COL4A6: variants seen among roughly 807,000 people sequenced by gnomAD.
COL4A6 encodes the protein collagen alpha-6(IV) chain.
Under a neutral mutation model 126.7 loss-of-function variants are expected in COL4A6, and 59 were observed. That is an observed-to-expected ratio of 0.47 (90% CI 0.38 to 0.58). COL4A6 has a LOEUF of 0.58. Among genes scored for constraint, COL4A6 ranks in the 20% least tolerant of loss-of-function variants. The pLI is 0.00. For missense variants in COL4A6, 1,285 were observed against 1,337.3 expected (o/e 0.96, Z 0.61); for synonymous variants, 547 against 496.6 (o/e 1.10, Z -1.35).
At position 108,425,257 on chromosome X, in the gene COL4A6, CAAAG is replaced by C. The variant is rs1330703643; in HGVS notation, c.63+12681_63+12684del. On this transcript the variant is annotated intron_variant, in intron 2 of 44. Coordinates refer to ENST00000334504, the MANE Select transcript of COL4A6 (RefSeq NM_033641.4). Reference sequence around the variant, plus strand: ...ACAGAGAGGAGAGAGAGGAGAGAGACAAAGAGAGCGTGAATTATGTGTGCAGACC... The same window carrying C: ...ACAGAGAGGAGAGAGAGGAGAGAGACAGAGCGTGAATTATGTGTGCAGACC... Among the ~76,000 whole-genome samples, 6 of 106,279 alleles carry C rather than the reference CAAAG, an allele frequency of 5.6e-5. No homozygotes were observed. The Admixed American group carries it at 6.1e-4, about 11-fold the overall frequency. The allele number at this position is 106,279 out of a possible 115,157, so 92.3% of individuals were successfully genotyped here.
intron 2 of COL4A6, among the ~76,000 whole-genome samples, chrX:108,343,328 G>A (rs977114122): frequency 9.3e-6 from 1 of 107,579 alleles, no homozygotes; most frequent in African/African-American, 3.4e-5. Context: ...TCAGGGGGAC[G>A]GAACTGTGGC....
chrX:108,241,136 G>T (rs895984874), intron 3 of COL4A6, among the ~76,000 whole-genome samples: 2 of 110,455 alleles, frequency 1.8e-5, no homozygotes, highest in African/African-American at 6.6e-5. Context: ...TGTAAAATGA[G>T]ACATTATAGC....
chrX:108,381,926 T>C (rs111573250), intron 2 of COL4A6, among the ~76,000 whole-genome samples: 132 of 108,372 alleles, frequency 1.2e-3, no homozygotes, highest in African/African-American at 4.3e-3. Flanking sequence ...TCTATTTTCT[T>C]CCTATCTCTC....
chrX:108,343,157 ATATATATAGT>A (rs1254481271), intron 2 of COL4A6, among the ~76,000 whole-genome samples: 4 of 73,868 alleles, frequency 5.4e-5, no homozygotes, highest in Admixed American at 1.6e-4. Context: ...ATATATATAT[ATATATATAGT>A]GTGTGTGTGT....
chrX:108,197,656 T>C (rs1191155515), intron 13 of COL4A6, among the ~76,000 whole-genome samples: 1 of 111,326 alleles, frequency 9.0e-6, no homozygotes, highest in Non-Finnish European at 1.9e-5. Flanking sequence ...TACTGAAAGC[T>C]GGTTAAGGAC....
intron 3 of COL4A6, among the ~76,000 whole-genome samples, chrX:108,305,402 C>T (rs974021621): frequency 9.0e-6 from 1 of 111,447 alleles, no homozygotes; most frequent in African/African-American, 3.3e-5. Flanking sequence ...AGAGGTAGTC[C>T]AGGGCCAGGT....
chrX:108,156,892 C>T lies in COL4A6; in HGVS notation c.*108G>A. The T allele has an allele frequency of 3.6e-6, 3 of 842,165 alleles. No homozygotes were observed. Among genetic ancestry groups the T allele is most frequent in the Non-Finnish European group, 5.1e-6 (3 of 584,049 alleles). 69.4% of individuals were successfully genotyped at this position (842,165 alleles called of 1,213,427 possible). ...GCCCAAATGAGACTCCAATGTACAACTTGACAGGCAAAGGGGCTCAGGCCT... is the reference window on the plus strand; with the variant it reads ...GCCCAAATGAGACTCCAATGTACAATTTGACAGGCAAAGGGGCTCAGGCCT... On this transcript the variant is annotated 3_prime_UTR_variant, in exon 45 of 45. Transcript: ENST00000334504.
chrX:108,380,297 T>C (rs1021689585), intron 2 of COL4A6, among the ~76,000 whole-genome samples: 17 of 112,518 alleles, frequency 1.5e-4, no homozygotes, highest in Non-Finnish European at 3.2e-4. Context: ...AGTAAACTAG[T>C]TCATAAATAG....
chrX:108,352,700 G>A (rs1247092823), intron 2 of COL4A6, among the ~76,000 whole-genome samples: 2 of 112,134 alleles, frequency 1.8e-5, no homozygotes, highest in East Asian at 5.6e-4. Flanking sequence ...ACATTTTAGA[G>A]AAGACTGCAA....
chrX:108,433,744 G>A (rs1689631248), intron 2 of COL4A6, among the ~76,000 whole-genome samples: 1 of 110,810 alleles, frequency 9.0e-6, no homozygotes, highest in Non-Finnish European at 1.9e-5. Flanking sequence ...GGCTGGTCTT[G>A]AACTCATGAG....
rs144795061 is a variant in COL4A6, at chrX:108,299,368, C to T, written c.144+11380G>A. 7.2e-5 allele frequency among the ~76,000 whole-genome samples: 8 copies of T among 111,454 alleles called. No homozygotes were observed. In the Admixed American group the frequency reaches 7.6e-4, roughly 11 times the overall value. On this transcript the variant is annotated intron_variant, in intron 3 of 44. Transcript: ENST00000334504. ...AAGCAAAGGGGCCCTGTCTGGGGAG[C>T]CTGTTTAGACCTGTCTCTTCCTTTT...
intron 2 of COL4A6, among the ~76,000 whole-genome samples, chrX:108,360,918 A>T (rs999012938): frequency 2.7e-5 from 3 of 110,800 alleles, no homozygotes; most frequent in Admixed American, 1.9e-4. Flanking sequence ...GGAATGATTC[A>T]TTAGAGTGAA....
At chrX:108,273,119 G>A (rs2037498410) in intron 3 of COL4A6, among the ~76,000 whole-genome samples, 1 of 109,944 alleles carries the variant, frequency 9.1e-6, no homozygotes, top group South Asian at 4.0e-4. Flanking sequence ...GGTGTGTGAC[G>A]TTCCCCATCC....
At chrX:108,396,257 C>T (rs1195006150) in intron 2 of COL4A6, among the ~76,000 whole-genome samples, 1 of 111,205 alleles carries the variant, frequency 9.0e-6, no homozygotes, top group African/African-American at 3.3e-5. Context: ...GCTGTTCACA[C>T]ATTCCTCTGT....
At chrX:108,296,038 G>T (rs1019186151) in intron 3 of COL4A6, among the ~76,000 whole-genome samples, 3 of 112,063 alleles carry the variant, frequency 2.7e-5, no homozygotes, top group Non-Finnish European at 5.6e-5. Context: ...GTGTTCAAAA[G>T]TTTTCTAATA....
At chrX:108,355,549 T>G (rs993967987) in intron 2 of COL4A6, among the ~76,000 whole-genome samples, 7 of 112,051 alleles carry the variant, frequency 6.2e-5, no homozygotes, top group African/African-American at 2.3e-4. Flanking sequence ...AGTACTCAAA[T>G]AGTACATAAA....
At chrX:108,343,165 AGTGTGTGTG>A (rs2039622664) in intron 2 of COL4A6, among the ~76,000 whole-genome samples, 9 of 31,414 alleles carry the variant, frequency 2.9e-4, no homozygotes, top group African/African-American at 6.3e-4. Flanking sequence ...ATATATATAT[AGTGTGTGTG>A]TGTGTGTGTG....
chrX:108,319,318 A>C (rs1305977055), intron 2 of COL4A6, among the ~76,000 whole-genome samples: 1 of 112,354 alleles, frequency 8.9e-6, no homozygotes, highest in Non-Finnish European at 1.9e-5. Flanking sequence ...TGATCGTGCC[A>C]CTGCACCCAG....
In COL4A6 at chrX:108,204,382, G is replaced by A; in HGVS notation, c.718C>T (p.Pro240Ser). Reference sequence around the variant, plus strand: ...TCCAGCTCTCCAGTAGATGGTGGAGGTCCTGCTGGGCCAGGGAGGCCAACA... The same window carrying A: ...TCCAGCTCTCCAGTAGATGGTGGAGATCCTGCTGGGCCAGGGAGGCCAACA... Reference protein sequence around the residue: ...GDVGLPGPAGPPPSTGELEFM... With the variant: ...GDVGLPGPAGSPPSTGELEFM... Residue 240 changes from proline (P) to serine (S), a missense_variant, in exon 12 of 45, where the codon CCT becomes TCT. Coordinates refer to ENST00000334504, the MANE Select transcript of COL4A6 (RefSeq NM_033641.4). The A allele has an allele frequency of 8.3e-7, 1 of 1,206,127 alleles. No individual in the cohort carries two copies. Among genetic ancestry groups the A allele is most frequent in the Non-Finnish European group, 1.1e-6 (1 of 892,059 alleles).
Sources: gnomAD v4.1 joint callset for allele counts (sites outside exome capture counted in the v4.1 genomes callset) on GRCh38, gnomAD v4.1.1 for gene constraint, MANE v1.5 for transcripts, NCBI Gene and HGNC (gene_info 2026-07-23, HGNC 2026-07-21) for gene names.